The following XRCC4 variants were observed in gnomAD, a reference collection of about 807,000 sequenced individuals.
XRCC4 encodes X-ray repair cross complementing 4.
A neutral mutation model predicts 39.1 loss-of-function variants in XRCC4; 28 were observed. The observed-to-expected ratio is 0.72, with a 90% CI of 0.53 to 0.98. The LOEUF (loss-of-function observed/expected upper bound fraction) is 0.98. XRCC4 is among the 50% of genes least tolerant of loss of function. The pLI is 0.00. For synonymous variants in XRCC4, 123 were observed against 126.4 expected (o/e 0.97, Z 0.18); for missense variants, 350 against 376.4 (o/e 0.93, Z 0.58).
chr5:83,265,780 G>T (rs918350051), intron 7 of XRCC4, among the ~76,000 whole-genome samples: 5 of 152,018 alleles, frequency 3.3e-5, no homozygotes, highest in African/African-American at 4.8e-5. Flanking sequence ...GTAAGTGCAT[G>T]AATTGTAAGT....
chr5:83,082,067 T>G (rs528864861), intron 1 of XRCC4, among the ~76,000 whole-genome samples: 2 of 152,270 alleles, frequency 1.3e-5, no homozygotes, highest in African/African-American at 4.8e-5. Context: ...ATTCAACAGT[T>G]TTCTACTATT....
At chr5:83,157,701 T>C (rs544066425) in intron 3 of XRCC4, among the ~76,000 whole-genome samples, 1 of 151,922 alleles carries the variant, frequency 6.6e-6, no homozygotes, top group South Asian at 2.1e-4. Context: ...TATAGAATGG[T>C]AAAACATAAA....
At chr5:83,211,994 A>G (rs1466335955) in intron 6 of XRCC4, among the ~76,000 whole-genome samples, 1 of 152,206 alleles carries the variant, frequency 6.6e-6, no homozygotes, top group African/African-American at 2.4e-5. Flanking sequence ...GGAAAAAAGT[A>G]GTCAATAGAA....
intron 3 of XRCC4, among the ~76,000 whole-genome samples, chr5:83,125,196 G>A (rs541716321): frequency 4.0e-4 from 61 of 152,156 alleles, no homozygotes; most frequent in African/African-American, 1.5e-3. Context: ...TGTTGTATGT[G>A]TAATGTGAAA....
At chr5:83,240,022 A>G (rs1167768739) in intron 6 of XRCC4, among the ~76,000 whole-genome samples, 1 of 151,460 alleles carries the variant, frequency 6.6e-6, no homozygotes, top group Non-Finnish European at 1.5e-5. Context: ...AAACAAAAAC[A>G]CTTTACCTGA....
chr5:83,253,899 C>T (rs1753423988), intron 6 of XRCC4, among the ~76,000 whole-genome samples: 1 of 152,040 alleles, frequency 6.6e-6, no homozygotes, highest in Non-Finnish European at 1.5e-5. Context: ...CAAGATCCTG[C>T]AGTTCTTCTG....
At chr5:83,244,751 T>C (rs1022084906) in intron 6 of XRCC4, among the ~76,000 whole-genome samples, 2 of 152,164 alleles carry the variant, frequency 1.3e-5, no homozygotes, top group Non-Finnish European at 2.9e-5. Flanking sequence ...GTACAGCAGG[T>C]AGAAAGAGAG....
intron 1 of XRCC4, among the ~76,000 whole-genome samples, chr5:83,100,003 T>C (rs1745853801): frequency 6.6e-6 from 1 of 152,198 alleles, no homozygotes; most frequent in Non-Finnish European, 1.5e-5. Context: ...GTATTTGATA[T>C]TTTGTAAGAC....
At chr5:83,360,612 G>A in the XRCC4 span, among the ~76,000 whole-genome samples, 1 of 152,004 alleles carries the variant, frequency 6.6e-6, no homozygotes, top group African/African-American at 2.4e-5. Context: ...GCTTCTGCTT[G>A]CCCTTTGGGA....
chr5:83,363,918 C>G, the XRCC4 span, among the ~76,000 whole-genome samples: 2 of 152,180 alleles, frequency 1.3e-5, no homozygotes. Flanking sequence ...TTTCTGGAGT[C>G]TGTAGGTGCA....
chr5:83,309,078 G>C (rs1755589875), intron 7 of XRCC4, among the ~76,000 whole-genome samples: 1 of 150,574 alleles, frequency 6.6e-6, no homozygotes, highest in African/African-American at 2.4e-5. Flanking sequence ...AGGAGATCGA[G>C]ACCATCCCAG....
intron 6 of XRCC4, among the ~76,000 whole-genome samples, chr5:83,241,914 A>G (rs892714642): frequency 1.3e-5 from 2 of 151,546 alleles, no homozygotes; most frequent in African/African-American, 4.9e-5. Context: ...TTACCCTGGC[A>G]TTCCCATTGA....
intron 1 of XRCC4, among the ~76,000 whole-genome samples, chr5:83,091,270 T>C (rs1044307336): frequency 1.3e-5 from 2 of 152,154 alleles, no homozygotes; most frequent in African/African-American, 4.8e-5. Context: ...CTTACAATCA[T>C]GGCAGAAGGA....
chr5:83,256,338 C>A (rs1204258367), intron 6 of XRCC4, among the ~76,000 whole-genome samples: 7 of 152,100 alleles, frequency 4.6e-5, no homozygotes, highest in Admixed American at 1.3e-4. Context: ...ATACAGTATC[C>A]TTTTTGGTTG....
intron 7 of XRCC4, among the ~76,000 whole-genome samples, chr5:83,334,317 T>A (rs1023644770): frequency 6.6e-6 from 1 of 152,156 alleles, no homozygotes; most frequent in Non-Finnish European, 1.5e-5. Context: ...CCAGGAACTG[T>A]AGTGTTATAG....
At chr5:83,265,331 A>T (rs927632783) in intron 7 of XRCC4, among the ~76,000 whole-genome samples, 4 of 152,156 alleles carry the variant, frequency 2.6e-5, no homozygotes, top group African/African-American at 9.7e-5. Context: ...CTCATTTTTT[A>T]CACAACTTTA....
intron 3 of XRCC4, among the ~76,000 whole-genome samples, chr5:83,146,647 C>CAT (rs1748468636): frequency 6.6e-6 from 1 of 152,258 alleles, no homozygotes; most frequent in African/African-American, 2.4e-5. Flanking sequence ...AAGCACCAAG[C>CAT]ATAGTGCCTG....
intron 6 of XRCC4, among the ~76,000 whole-genome samples, chr5:83,210,617 T>A (rs1362139431): frequency 6.6e-6 from 1 of 151,944 alleles, no homozygotes; most frequent in Non-Finnish European, 1.5e-5. Flanking sequence ...GCAAATTTTC[T>A]AACAATGAGG....
chr5:83,140,600 T>G (rs1748123854), intron 3 of XRCC4, among the ~76,000 whole-genome samples: 1 of 152,216 alleles, frequency 6.6e-6, no homozygotes, highest in South Asian at 2.1e-4. Flanking sequence ...CACGTAATAT[T>G]AATCATCACA....
Sources: gnomAD v4.1 joint callset for allele counts (sites outside exome capture counted in the v4.1 genomes callset) on GRCh38, gnomAD v4.1.1 for gene constraint, MANE v1.5 for transcripts, NCBI Gene and HGNC (gene_info 2026-07-23, HGNC 2026-07-21) for gene names.